Variants in PAH observed in about 807,000 individuals in gnomAD.
PAH encodes the protein phenylalanine hydroxylase.
A neutral mutation model predicts 62.0 loss-of-function variants in PAH; 64 were observed. That is an observed-to-expected ratio of 1.03 (90% CI 0.84 to 1.27). The LOEUF is 1.27. PAH is among the 50% of genes most tolerant of loss of function. The pLI, the probability that PAH is intolerant of heterozygous loss-of-function variation, is 0.00. For missense variants in PAH, 579 were observed against 542.8 expected (o/e 1.07, Z -0.66); for synonymous variants, 195 against 196.2 (o/e 0.99, Z 0.05).
chr12:102,948,563 A>T (rs915354277), intron 1 of PAH, among the ~76,000 whole-genome samples: 2 of 152,156 alleles, frequency 1.3e-5, no homozygotes, highest in African/African-American at 4.8e-5. Flanking sequence ...ATCAAAGGCC[A>T]TCTTTGTAAT....
At chr12:102,867,838 C>CT (rs1565854078) in intron 4 of PAH, among the ~76,000 whole-genome samples, 37 of 108,052 alleles carry the variant, frequency 3.4e-4, no homozygotes, top group Non-Finnish European at 5.6e-4. Flanking sequence ...TCTCTCTCCC[C>CT]CTCTCTCTCT....
intron 1 of PAH, among the ~76,000 whole-genome samples, chr12:102,942,065 T>C (rs1047325979): frequency 1.3e-5 from 2 of 152,164 alleles, no homozygotes; most frequent in Non-Finnish European, 2.9e-5. Context: ...CTAGAAGTCC[T>C]AGCCAGAGTA....
At chr12:102,867,736 C>A (rs949660165) in intron 4 of PAH, among the ~76,000 whole-genome samples, 1 of 151,286 alleles carries the variant, frequency 6.6e-6, no homozygotes, top group Admixed American at 6.6e-5. Context: ...GAGAAATATT[C>A]CCTGATTTTT....
intron 4 of PAH, among the ~76,000 whole-genome samples, chr12:102,870,374 C>A (rs562842702): frequency 6.6e-6 from 1 of 152,290 alleles, no homozygotes; most frequent in East Asian, 1.9e-4. Flanking sequence ...CAGTTTATCT[C>A]TCAGAGCCTT....
intron 11 of PAH, among the ~76,000 whole-genome samples, chr12:102,842,328 A>C (rs1193821271): frequency 3.3e-5 from 5 of 152,208 alleles, no homozygotes; most frequent in African/African-American, 1.2e-4. Flanking sequence ...CAGAGCCAGA[A>C]GGACTTGAGA....
intron 1 of PAH, chr12:102,950,334 C>T (rs1879694065): frequency 6.6e-6 from 1 of 152,480 alleles, no homozygotes; most frequent in South Asian, 2.1e-4. Context: ...ACCTGGGGCG[C>T]ACAGTTTCCC....
chr12:102,891,933 GCA>G (rs1234681758), intron 3 of PAH, among the ~76,000 whole-genome samples: 35 of 152,194 alleles, frequency 2.3e-4, no homozygotes, highest in Non-Finnish European at 3.5e-4. Context: ...CCAGGATCTG[GCA>G]GGCCCTTTGT....
intron 1 of PAH, among the ~76,000 whole-genome samples, chr12:102,949,192 C>G (rs939224811): frequency 6.6e-6 from 1 of 152,124 alleles, no homozygotes; most frequent in Non-Finnish European, 1.5e-5. Context: ...TCCTGAGGTG[C>G]CAATGGCCGA....
chr12:102,940,584 A>T (rs531576484), intron 1 of PAH, among the ~76,000 whole-genome samples: 1 of 152,340 alleles, frequency 6.6e-6, no homozygotes, highest in East Asian at 1.9e-4. Flanking sequence ...GAGCTCAAAG[A>T]CTGGTTCTTT....
chr12:102,843,688 T>C lies in PAH; in HGVS notation c.1157A>G (p.Tyr386Cys), dbSNP rs62516141. The change falls in exon 11 of 13, where the codon TAT (tyrosine) becomes TGT (cysteine). Residue 386 changes from tyrosine (Y) to cysteine (C), a missense_variant. Coordinates refer to ENST00000553106, the MANE Select transcript of PAH (RefSeq NM_000277.3). ...NYTVTEFQPL[Y>C]YVAESFNDAK... is the part of the protein sequence containing the mutation. The stretch of plus-strand genomic sequence containing the variant: ...ATCATTAAAACTCTCTGCCACGTAA[T>C]AGAGGGGCTGGAACTCCGTGACAGT... 6.4e-5 allele frequency: 103 copies of C among 1,613,682 alleles called. No homozygotes were observed. Among genetic ancestry groups the C allele is most frequent in the Non-Finnish European group, 8.5e-5 (100 of 1,179,822 alleles).
chr12:102,862,397 AG>A (rs1224229888), intron 5 of PAH, among the ~76,000 whole-genome samples: 15 of 152,084 alleles, frequency 9.9e-5, no homozygotes, highest in Admixed American at 6.6e-5. Flanking sequence ...AGTCTAATGA[AG>A]GGTGGAGGGT....
At chr12:102,887,957 G>C (rs150730252) in intron 3 of PAH, among the ~76,000 whole-genome samples, 74 of 152,242 alleles carry the variant, frequency 4.9e-4, no homozygotes, top group African/African-American at 1.7e-3. Context: ...CTGTCACACA[G>C]AGAAAATGTA....
At chr12:102,859,022 A>T (rs1384275018) in intron 5 of PAH, among the ~76,000 whole-genome samples, 1 of 152,180 alleles carries the variant, frequency 6.6e-6, no homozygotes, top group Non-Finnish European at 1.5e-5. Context: ...TCAAAAAATC[A>T]ATGAATCCAG....
upstream of PAH, among the ~76,000 whole-genome samples, chr12:102,919,943 T>C (rs1878512349): frequency 6.6e-6 from 1 of 152,314 alleles, no homozygotes; most frequent in Non-Finnish European, 1.5e-5. Context: ...ACTGATTTCC[T>C]TTCTTATAGG....
At chr12:102,903,827 G>C (rs1877865010) in intron 2 of PAH, among the ~76,000 whole-genome samples, 1 of 152,092 alleles carries the variant, frequency 6.6e-6, no homozygotes, top group South Asian at 2.1e-4. Context: ...CTGTACATCT[G>C]CTTGTTTGCT....
chr12:102,872,301 C>T (rs1004810994), intron 4 of PAH, among the ~76,000 whole-genome samples: 1 of 152,132 alleles, frequency 6.6e-6, no homozygotes, highest in African/African-American at 2.4e-5. Flanking sequence ...CCGATGACCA[C>T]GTGTACTTTC....
intron 1 of PAH, among the ~76,000 whole-genome samples, chr12:102,915,553 T>C (rs924993224): frequency 3.3e-5 from 5 of 152,210 alleles, no homozygotes; most frequent in African/African-American, 4.8e-5. Context: ...AGTTAGTCAA[T>C]AGCACTCCTA....
At chr12:102,941,399 T>C (rs374580526) in intron 1 of PAH, among the ~76,000 whole-genome samples, 96 of 152,312 alleles carry the variant, frequency 6.3e-4, no homozygotes, top group African/African-American at 2.1e-3. Context: ...AACTATATGC[T>C]GTCTTCAAGA....
At chr12:102,854,570 T>C (rs1426883568) in intron 6 of PAH, 1 of 188,404 alleles carries the variant, frequency 5.3e-6, no homozygotes, top group African/African-American at 2.4e-5. Context: ...GTTGTTTCCA[T>C]ATGCAGCACC....
Sources: allele counts gnomAD v4.1 joint callset (sites outside exome capture counted in the v4.1 genomes callset), GRCh38; gene constraint gnomAD v4.1.1; transcripts MANE v1.5; gene names NCBI Gene and HGNC (gene_info 2026-07-23, HGNC 2026-07-21).